Variants in RARA observed in about 807,000 individuals in gnomAD.
The protein encoded by RARA is PML-DDX5-RARA fusion.
A neutral mutation model predicts 42.8 loss-of-function variants in RARA; 5 were observed. The ratio of observed to expected loss-of-function variants is 0.12; its 90% CI spans 0.06 to 0.25. The LOEUF (loss-of-function observed/expected upper bound fraction) is 0.25. Ranked by LOEUF, RARA falls within the 10% of genes least tolerant of loss-of-function variation. The probability of loss-of-function intolerance (pLI) is 1.00; values close to 1 mark genes in which losing one functional copy is unlikely to be tolerated. For synonymous variants in RARA, 256 were observed against 259.5 expected (o/e 0.99, Z 0.13); for missense variants, 402 against 628.7 (o/e 0.64, Z 3.86).
At position 40,315,440 on chromosome 17, in the gene RARA, C is replaced by T. The variant is rs528150323; in HGVS notation, c.-363+6154C>T. On this transcript the variant is annotated intron_variant, in intron 1 of 8. Coordinates refer to ENST00000254066, the MANE Select transcript of RARA (RefSeq NM_000964.4). The stretch of plus-strand genomic sequence containing the variant: ...CTCAGTTTTTTCATCTCTACAATGG[C>T]AACAGGAGCCTGCCCCTTCAGGACT... Among the ~76,000 whole-genome samples the T allele has an allele frequency of 3.3e-5, 5 of 152,048 alleles. No individual in the cohort carries two copies. In the South Asian group the frequency reaches 8.3e-4, roughly 25 times the overall value.
chr17:40,335,076 C>T (rs1314296084), intron 2 of RARA, among the ~76,000 whole-genome samples: 2 of 151,820 alleles, frequency 1.3e-5, no homozygotes, highest in Non-Finnish European at 2.9e-5. Context: ...GGTGGGGTCA[C>T]GGTTGGGTGT....
rs563574256 is a variant in RARA at position 40,310,863 on chromosome 17, T to C, written c.-363+1577T>C. 3.3e-5 allele frequency among the ~76,000 whole-genome samples: 5 copies of C among 152,212 alleles called. No homozygotes were observed. The South Asian group carries it at 8.3e-4, about 25-fold the overall frequency. On this transcript the variant is annotated intron_variant, in intron 1 of 8. Transcript: ENST00000254066. ...TGGGGGAATCTAGGATGGAATCCTC[T>C]TCCTAAATCTAGGTCAATCTCTCCG...
intron 3 of RARA, 50 bp from the exon 4 acceptor site, chr17:40,349,734 T>A: frequency 6.2e-7 from 1 of 1,608,068 alleles, no homozygotes; most frequent in Non-Finnish European, 8.5e-7. Flanking sequence ...AGCCAGGCAC[T>A]GCTCCCACTG....
rs977265693 is a variant in RARA at position 40,341,890 on chromosome 17, T to C, written c.179-6426T>C. The C allele has an allele frequency of 4.8e-6, 5 of 1,043,862 alleles. No individual in the cohort carries two copies. In the Admixed American group the frequency reaches 1.7e-4, roughly 36 times the overall value. The allele number at this position is 1,043,862 out of a possible 1,614,324, so 64.7% of individuals were successfully genotyped here. ...CTTGTCCCCTCGCAGCCCCCTCCTC[T>C]CCCTGTACTCGGCGTCCCTCTGTAC... On this transcript the variant is annotated intron_variant, in intron 2 of 8. Coordinates refer to ENST00000254066, the MANE Select transcript of RARA (RefSeq NM_000964.4).
In RARA at chr17:40,342,039, C is replaced by T. The variant is rs552545524; in HGVS notation, c.179-6277C>T. The T allele has an allele frequency of 1.9e-4, 199 of 1,070,622 alleles. No homozygotes were observed. The South Asian group carries it at 3.8e-3, about 20-fold the overall frequency. The allele number at this position is 1,070,622 out of a possible 1,614,324, so 66.3% of individuals were successfully genotyped here. A position where few individuals can be genotyped will look rare whatever the true frequency, so the allele number is the denominator to read the frequency against. ...TCCCTCTCGGTTCCCTGCGTTTCTC[C>T]CGCTGCAGCCGGACGCGCCGGGAAT... On this transcript the variant is annotated intron_variant, in intron 2 of 8. Transcript: ENST00000254066.
At chr17:40,336,010 A>C (rs1347187412) in intron 2 of RARA, among the ~76,000 whole-genome samples, 1 of 151,184 alleles carries the variant, frequency 6.6e-6, no homozygotes, top group Non-Finnish European at 1.5e-5. Context: ...TGTCTCAAAA[A>C]CAACAACAAC....
intron 2 of RARA, chr17:40,342,590 G>T: frequency 7.0e-7 from 1 of 1,420,936 alleles, no homozygotes; most frequent in East Asian, 2.7e-5. Flanking sequence ...CACCAGTCGG[G>T]GCGAGGGGAC....
intron 1 of RARA, among the ~76,000 whole-genome samples, chr17:40,310,548 G>A (rs1318989589): frequency 3.9e-5 from 6 of 152,088 alleles, no homozygotes; most frequent in Admixed American, 3.9e-4. Flanking sequence ...GTCCCCTAAA[G>A]GTTGGTTTTA....
intron 2 of RARA, chr17:40,342,716 T>A: frequency 6.2e-7 from 1 of 1,611,214 alleles, no homozygotes; most frequent in Non-Finnish European, 8.5e-7. Context: ...TGTACGAGAG[T>A]GTAGAAGTGG....
rs538183921 is a variant in RARA at position 40,341,857 on chromosome 17, C to T, written c.179-6459C>T. 223 of 1,041,638 alleles carry T rather than the reference C, an allele frequency of 2.1e-4. 2 individuals carry two copies. The East Asian group carries it at 7.3e-3, about 34-fold the overall frequency. The allele number at this position is 1,041,638 out of a possible 1,614,324, so 64.5% of individuals were successfully genotyped here. A position where few individuals can be genotyped will look rare whatever the true frequency, so the allele number is the denominator to read the frequency against. On this transcript the variant is annotated intron_variant, in intron 2 of 8. Transcript: ENST00000254066. ...GGTACAAGGGAGGACGCCCGCCCCT[C>T]TTCCGTCCTTGTCCCCTCGCAGCCC...
At chr17:40,340,881 C>A in intron 2 of RARA, 1 of 400,204 alleles carries the variant, frequency 2.5e-6, no homozygotes, top group South Asian at 1.3e-4. Flanking sequence ...AATACCTGCT[C>A]TACTCTTTAT....
intron 6 of RARA, among the ~76,000 whole-genome samples, chr17:40,353,808 T>A (rs921687527): frequency 1.3e-5 from 2 of 152,170 alleles, no homozygotes; most frequent in Non-Finnish European, 2.9e-5. Context: ...CCCATCCCCA[T>A]GCCGTGGATG....
Position 40,348,540 on chromosome 17 carries a change from G to T in RARA, c.327+76G>T, listed in dbSNP as rs938347627. The T allele has an allele frequency of 4.7e-6, 7 of 1,504,980 alleles. No homozygotes were observed. The African/African-American group carries it at 5.7e-5, about 12-fold the overall frequency. The allele number at this position is 1,504,980 out of a possible 1,614,324, so 93.2% of individuals were successfully genotyped here. ...GTCCCCACTTCTGTGTCCTGGGAGT[G>T]TGCAGTTGGGGGGTGTCCCTGAAGT... On this transcript the variant is annotated intron_variant, in intron 3 of 8. Coordinates refer to ENST00000254066, the MANE Select transcript of RARA (RefSeq NM_000964.4).
intron 1 of RARA, among the ~76,000 whole-genome samples, chr17:40,325,252 AAAATAAAT>A (rs10689341): frequency 0.019 from 2,690 of 141,584 alleles, 39 homozygotes; most frequent in South Asian, 0.044. Context: ...CTCCATCTCA[AAAATAAAT>A]AAATAAATAA....
intron 1 of RARA, among the ~76,000 whole-genome samples, chr17:40,315,169 T>TACACAC (rs1416920772): frequency 8.4e-5 from 9 of 107,374 alleles, no homozygotes; most frequent in Non-Finnish European, 1.3e-4. Flanking sequence ...TATATATATA[T>TACACAC]ATACACACAC....
At chr17:40,331,467 G>GA in intron 2 of RARA, 71 bp downstream of exon 2, 2 of 1,507,860 alleles carry the variant, frequency 1.3e-6, no homozygotes, top group Non-Finnish European at 1.8e-6. Context: ...CTTGGGCTCT[G>GA]GGCACGTCTG....
intron 1 of RARA, among the ~76,000 whole-genome samples, chr17:40,322,608 C>A (rs1454969958): frequency 6.6e-6 from 1 of 152,152 alleles, no homozygotes; most frequent in Non-Finnish European, 1.5e-5. Context: ...GTCCTCAGCC[C>A]TCCTTCCCTC....
chr17:40,347,124 A>G (rs2143447360), intron 2 of RARA, among the ~76,000 whole-genome samples: 1 of 152,308 alleles, frequency 6.6e-6, no homozygotes, highest in East Asian at 1.9e-4. Flanking sequence ...TGCTTGGGCC[A>G]GGAGCTGTGG....
intron 1 of RARA, among the ~76,000 whole-genome samples, chr17:40,315,169 TATAC>T (rs1179316045): frequency 3.4e-4 from 37 of 107,374 alleles, no homozygotes; most frequent in South Asian, 5.8e-4. Context: ...TATATATATA[TATAC>T]ACACACACAC....
Sources: gnomAD v4.1 joint callset for allele counts (sites outside exome capture counted in the v4.1 genomes callset) on GRCh38, gnomAD v4.1.1 for gene constraint, MANE v1.5 for transcripts, NCBI Gene and HGNC (gene_info 2026-07-23, HGNC 2026-07-21) for gene names.